DAB1: variants seen among roughly 807,000 people sequenced by gnomAD.
DAB1 encodes the protein DAB adaptor protein 1, also known as disabled homolog 1.
DAB1 carries 15 observed loss-of-function variants against 64.6 expected under a neutral mutation model. The ratio of observed to expected loss-of-function variants is 0.23; its 90% CI spans 0.16 to 0.36. The LOEUF is 0.36. DAB1 is among the 10% of genes least tolerant of loss of function. The pLI is 1.00. For missense variants in DAB1, 596 were observed against 706.7 expected (o/e 0.84, Z 1.78); for synonymous variants, 235 against 251.9 (o/e 0.93, Z 0.64).
At chr1:57,498,198 G>A (rs1023843871) in intron 7 of DAB1, among the ~76,000 whole-genome samples, 14 of 152,184 alleles carry the variant, frequency 9.2e-5, no homozygotes, top group Non-Finnish European at 1.9e-4. Context: ...TGTTGAATTC[G>A]AGATGCTTTT....
chr1:57,512,009 A>G (rs528188153), intron 7 of DAB1, among the ~76,000 whole-genome samples: 154 of 152,256 alleles, frequency 1.0e-3, no homozygotes, highest in African/African-American at 3.6e-3. Flanking sequence ...ACTATCATCT[A>G]TCTCACCATA....
intron 6 of DAB1, among the ~76,000 whole-genome samples, chr1:57,775,321 T>C (rs1649746409): frequency 6.6e-6 from 1 of 151,652 alleles, no homozygotes; most frequent in Non-Finnish European, 1.5e-5. Flanking sequence ...TTTAATTTGC[T>C]GTTTTTAATA....
At chr1:57,193,080 A>G (rs1238342901) in intron 2 of DAB1, among the ~76,000 whole-genome samples, 6 of 152,174 alleles carry the variant, frequency 3.9e-5, no homozygotes, top group Non-Finnish European at 8.8e-5. Flanking sequence ...AAGAACACTT[A>G]AACTCTACTC....
intron 7 of DAB1, among the ~76,000 whole-genome samples, chr1:57,577,744 A>T (rs1404388): frequency 7.9e-5 from 12 of 152,034 alleles, no homozygotes; most frequent in South Asian, 2.1e-4. Context: ...CAAATTTCTG[A>T]GGGCAGACTC....
chr1:57,093,861 C>A (rs1278869541), intron 4 of DAB1, among the ~76,000 whole-genome samples: 1 of 152,074 alleles, frequency 6.6e-6, no homozygotes, highest in Non-Finnish European at 1.5e-5. Context: ...CACCTATGAT[C>A]CCAGCACTTT....
chr1:58,051,191 C>T (rs1647634839), intron 5 of DAB1, among the ~76,000 whole-genome samples: 1 of 151,966 alleles, frequency 6.6e-6, no homozygotes, highest in Admixed American at 6.6e-5. Flanking sequence ...AATGCTATTC[C>T]TCCCCCAGCC....
chr1:57,553,442 G>GAGAAAGAA (rs767173407), intron 7 of DAB1, among the ~76,000 whole-genome samples: 1 of 68,154 alleles, frequency 1.5e-5, no homozygotes, highest in Admixed American at 1.6e-4. Context: ...AAGAAAGAAA[G>GAGAAAGAA]AGAAAGAAAG....
chr1:57,428,841 CAAAAAAAA>C (rs55678877), upstream of DAB1, among the ~76,000 whole-genome samples: 1 of 69,626 alleles, frequency 1.4e-5, no homozygotes, highest in Admixed American at 1.7e-4. Context: ...TTGTCTTTTA[CAAAAAAAA>C]AAAAAAAAAA....
intron 3 of DAB1, among the ~76,000 whole-genome samples, chr1:58,496,407 T>C (rs566884290): frequency 1.8e-4 from 27 of 152,236 alleles, no homozygotes; most frequent in Non-Finnish European, 3.5e-4. Context: ...AACCTTATCA[T>C]GCCAGCTTCA....
intron 2 of DAB1, among the ~76,000 whole-genome samples, chr1:57,196,124 G>T (rs1009530620): frequency 6.6e-6 from 1 of 152,176 alleles, no homozygotes; most frequent in African/African-American, 2.4e-5. Context: ...AACCTTGATT[G>T]TGGTAATGGT....
intron 5 of DAB1, among the ~76,000 whole-genome samples, chr1:58,080,481 C>T (rs897144016): frequency 1.3e-5 from 2 of 152,164 alleles, no homozygotes; most frequent in Non-Finnish European, 2.9e-5. Flanking sequence ...TGGATACAGA[C>T]GTCCTAAAAG....
chr1:58,302,403 G>A (rs1161860181), intron 4 of DAB1, among the ~76,000 whole-genome samples: 21 of 152,128 alleles, frequency 1.4e-4, no homozygotes. Flanking sequence ...AGTAGAGGGT[G>A]GAGGGCAGCA....
chr1:58,500,820 T>C (rs1344593399), intron 3 of DAB1, among the ~76,000 whole-genome samples: 2 of 152,158 alleles, frequency 1.3e-5, no homozygotes, highest in Admixed American at 6.5e-5. Flanking sequence ...AGAAATTCAG[T>C]CTAAATGTTT....
intron 6 of DAB1, among the ~76,000 whole-genome samples, chr1:57,665,727 T>C (rs889180693): frequency 6.6e-6 from 1 of 152,050 alleles, no homozygotes; most frequent in Non-Finnish European, 1.5e-5. Context: ...AAAAGCATGA[T>C]GAATATGTGT....
intron 2 of DAB1, among the ~76,000 whole-genome samples, chr1:57,248,085 A>G (rs1669024285): frequency 6.6e-6 from 1 of 152,250 alleles, no homozygotes; most frequent in African/African-American, 2.4e-5. Flanking sequence ...AGTCCCTGAC[A>G]TAAAATGGCA....
intron 1 of DAB1, among the ~76,000 whole-genome samples, chr1:57,840,238 T>C (rs1023776091): frequency 5.3e-5 from 8 of 152,176 alleles, no homozygotes; most frequent in Admixed American, 6.5e-5. Flanking sequence ...ACAATTAAGG[T>C]ATATCTAATA....
At chr1:57,094,090 C>T (rs1158841730) in intron 4 of DAB1, among the ~76,000 whole-genome samples, 11 of 135,128 alleles carry the variant, frequency 8.1e-5, no homozygotes, top group Non-Finnish European at 1.5e-5. Context: ...GCCTGGGTGC[C>T]AGAGTGAGAC....
chr1:57,561,280 C>A (rs1398343054), intron 7 of DAB1, among the ~76,000 whole-genome samples: 2 of 152,194 alleles, frequency 1.3e-5, no homozygotes, highest in Non-Finnish European at 2.9e-5. Flanking sequence ...AGCACTACAG[C>A]CCCTTTCTAG....
intron 1 of DAB1, chr1:58,536,390 A>AC (rs1646517556): frequency 1.6e-6 from 1 of 627,712 alleles, no homozygotes; most frequent in Admixed American, 2.9e-5. Flanking sequence ...TTCGGGAAAA[A>AC]AAAATGCTAA....
Sources: allele counts gnomAD v4.1 joint callset (sites outside exome capture counted in the v4.1 genomes callset), GRCh38; gene constraint gnomAD v4.1.1; transcripts MANE v1.5; gene names NCBI Gene and HGNC (gene_info 2026-07-23, HGNC 2026-07-21).